The following FOXN3 variants were observed in gnomAD, a reference collection of about 807,000 sequenced individuals.
The protein encoded by FOXN3 is forkhead box N3, also known as forkhead box protein N3.
In FOXN3, 7 loss-of-function variants were observed where a neutral mutation model predicts 38.4. The ratio of observed to expected loss-of-function variants is 0.18; its 90% CI spans 0.10 to 0.34. The LOEUF (loss-of-function observed/expected upper bound fraction) is 0.34. FOXN3 is among the 10% of genes least tolerant of loss of function. The pLI is 1.00. For missense variants in FOXN3, 456 were observed against 613.4 expected, an observed-to-expected ratio of 0.74 and a Z score of 2.71; for synonymous variants, 230 against 242.2, an observed-to-expected ratio of 0.95 and a Z score of 0.47.
chr14:89,410,171 A>C (rs2140095643), intron 2 of FOXN3, among the ~76,000 whole-genome samples: 1 of 152,118 alleles, frequency 6.6e-6, no homozygotes, highest in South Asian at 2.1e-4. Flanking sequence ...AATTTGAGCA[A>C]GGAGCAATAC....
At chr14:89,192,595 CTATA>C (rs952934033) in intron 4 of FOXN3, among the ~76,000 whole-genome samples, 1 of 140,470 alleles carries the variant, frequency 7.1e-6, no homozygotes, top group Non-Finnish European at 1.5e-5. Flanking sequence ...GTAATATAAA[CTATA>C]TAATATAAGC....
rs148743949 is a variant in FOXN3, at chr14:89,193,616, G to T, written c.746-12810C>A. 6.9e-3 allele frequency among the ~76,000 whole-genome samples: 1,053 copies of T among 152,258 alleles called. 5 individuals carry two copies. Among genetic ancestry groups the T allele is most frequent in the Non-Finnish European group, 0.011 (730 of 68,020 alleles). ...ATCGCTGAGTGGTAGTCACTGAACGGAAATACCGCAATCCATTCACCGGTA... is the reference window on the plus strand; with the variant it reads ...ATCGCTGAGTGGTAGTCACTGAACGTAAATACCGCAATCCATTCACCGGTA... On this transcript the variant is annotated intron_variant, in intron 4 of 5. Transcript: ENST00000557258.
chr14:89,314,903 G>A (rs10134863), intron 3 of FOXN3, among the ~76,000 whole-genome samples: 3 of 152,012 alleles, frequency 2.0e-5, no homozygotes, highest in East Asian at 3.9e-4. Context: ...CTTAATCTGA[G>A]ACACTCTCAT....
At chr14:89,544,807 G>C (rs1254771683) in intron 1 of FOXN3, among the ~76,000 whole-genome samples, 1 of 152,236 alleles carries the variant, frequency 6.6e-6, no homozygotes, top group South Asian at 2.1e-4. Flanking sequence ...CTAGACAAAG[G>C]GATGATTCAT....
Position 89,305,197 on chromosome 14 carries a change from G to A in FOXN3, c.681-24183C>T, listed in dbSNP as rs117572155. Among the ~76,000 whole-genome samples the A allele has an allele frequency of 6.7e-3, 1,027 of 152,286 alleles. 8 individuals carry two copies. Among genetic ancestry groups the A allele is most frequent in the Non-Finnish European group, 8.6e-3 (586 of 68,014 alleles). ...CCCACTGAGGGCCACTAGGAGATGGGAACTGAGGTCATCGATGGTGAACTC... is the reference window on the plus strand; with the variant it reads ...CCCACTGAGGGCCACTAGGAGATGGAAACTGAGGTCATCGATGGTGAACTC... On this transcript the variant is annotated intron_variant, in intron 3 of 5. Coordinates refer to ENST00000557258, the MANE Select transcript of FOXN3 (RefSeq NM_005197.4).
intron 1 of FOXN3, among the ~76,000 whole-genome samples, chr14:89,467,812 T>TTTC (rs1566666353): frequency 7.9e-6 from 1 of 127,036 alleles, no homozygotes; most frequent in African/African-American, 2.9e-5. Context: ...TTGTTTTTTT[T>TTTC]TTTTTTTTTT....
At chr14:89,167,164 C>G (rs1887264908) in intron 5 of FOXN3, among the ~76,000 whole-genome samples, 1 of 152,248 alleles carries the variant, frequency 6.6e-6, no homozygotes, top group African/African-American at 2.4e-5. Context: ...ACCTGGTACT[C>G]ATTCTCTTGT....
intron 2 of FOXN3, among the ~76,000 whole-genome samples, chr14:89,410,938 C>T (rs140644074): frequency 1.7e-4 from 26 of 152,198 alleles, no homozygotes; most frequent in African/African-American, 6.3e-4. Context: ...TTATTAAAAC[C>T]GTCTTCTTTT....
intron 1 of FOXN3, among the ~76,000 whole-genome samples, chr14:89,547,724 T>C (rs952033852): frequency 1.3e-5 from 2 of 152,246 alleles, no homozygotes; most frequent in Admixed American, 6.5e-5. Context: ...CACAGGTAGA[T>C]ACTATTTCTA....
intron 1 of FOXN3, among the ~76,000 whole-genome samples, chr14:89,498,700 C>T (rs759431915): frequency 1.1e-4 from 17 of 151,544 alleles, no homozygotes; most frequent in Admixed American, 2.0e-4. Flanking sequence ...GTTTCCAGAA[C>T]GCAGAATTGT....
At chr14:89,335,938 A>G (rs889470188) in intron 3 of FOXN3, among the ~76,000 whole-genome samples, 4 of 152,192 alleles carry the variant, frequency 2.6e-5, no homozygotes, top group Admixed American at 2.6e-4. Flanking sequence ...AAAATGACTG[A>G]GAGTTTAAGA....
At chr14:89,536,412 C>A (rs544954823) in intron 1 of FOXN3, among the ~76,000 whole-genome samples, 1 of 152,268 alleles carries the variant, frequency 6.6e-6, no homozygotes, top group Admixed American at 6.5e-5. Flanking sequence ...AAATGCAACC[C>A]AAAGAAACCC....
At chr14:89,328,025 C>T (rs1407700164) in intron 3 of FOXN3, among the ~76,000 whole-genome samples, 1 of 152,230 alleles carries the variant, frequency 6.6e-6, no homozygotes, top group Non-Finnish European at 1.5e-5. Flanking sequence ...AGGCTAATGC[C>T]TTCCAAAATG....
At chr14:89,211,339 A>C (rs1411103402) in intron 4 of FOXN3, among the ~76,000 whole-genome samples, 2 of 152,260 alleles carry the variant, frequency 1.3e-5, no homozygotes, top group Admixed American at 1.3e-4. Flanking sequence ...TCAGAGCTTC[A>C]GTGTATGCAA....
At chr14:89,185,320 A>G (rs1262244259) in intron 4 of FOXN3, among the ~76,000 whole-genome samples, 1 of 152,158 alleles carries the variant, frequency 6.6e-6, no homozygotes, top group Admixed American at 6.5e-5. Flanking sequence ...GCTTCTGAAG[A>G]ACAAGTCACA....
At chr14:89,372,329 A>C (rs1890342234) in intron 2 of FOXN3, among the ~76,000 whole-genome samples, 1 of 152,230 alleles carries the variant, frequency 6.6e-6, no homozygotes, top group African/African-American at 2.4e-5. Flanking sequence ...CAGTATTAGA[A>C]AAGTATGGTA....
chr14:89,593,364 C>T (rs1372487075), intron 1 of FOXN3, among the ~76,000 whole-genome samples: 2 of 152,062 alleles, frequency 1.3e-5, no homozygotes, highest in Non-Finnish European at 2.9e-5. Context: ...ACTAAAAGGG[C>T]GTGGTGGCTC....
At chr14:89,266,210 C>T (rs1885973691) in intron 4 of FOXN3, among the ~76,000 whole-genome samples, 1 of 152,146 alleles carries the variant, frequency 6.6e-6, no homozygotes, top group Non-Finnish European at 1.5e-5. Flanking sequence ...GGCTAGAAGT[C>T]CGACATCAAA....
intron 4 of FOXN3, among the ~76,000 whole-genome samples, chr14:89,215,942 A>G (rs1401044657): frequency 6.6e-6 from 1 of 152,200 alleles, no homozygotes; most frequent in Non-Finnish European, 1.5e-5. Context: ...ATTCTTAAGA[A>G]AAGAACCTCA....
Sources: allele counts gnomAD v4.1 joint callset (sites outside exome capture counted in the v4.1 genomes callset), GRCh38; gene constraint gnomAD v4.1.1; transcripts MANE v1.5; gene names NCBI Gene and HGNC (gene_info 2026-07-23, HGNC 2026-07-21).